Variants in PTN observed in about 807,000 individuals in gnomAD.
The protein encoded by PTN is heparin affin regulatory protein.
PTN carries 18 observed loss-of-function variants against 24.1 expected under a neutral mutation model. The ratio of observed to expected loss-of-function variants is 0.75; its 90% CI spans 0.52 to 1.11. The LOEUF is 1.11. PTN is among the 50% of genes least tolerant of loss of function. The pLI is 0.00. For synonymous variants in PTN, 78 were observed against 68.6 expected (o/e 1.14, Z -0.67); for missense variants, 163 against 198.8 (o/e 0.82, Z 1.08).
At chr7:137,336,903 C>T (rs534116809) in intron 1 of PTN, among the ~76,000 whole-genome samples, 1 of 152,100 alleles carries the variant, frequency 6.6e-6, no homozygotes, top group Non-Finnish European at 1.5e-5. Context: ...GTATGTGCTC[C>T]CATGTTAGAG....
chr7:137,256,236 G>A (rs930857306), intron 1 of PTN, among the ~76,000 whole-genome samples: 3 of 152,016 alleles, frequency 2.0e-5, no homozygotes, highest in Admixed American at 6.6e-5. Flanking sequence ...TGTGCAGAAT[G>A]TGCAGGTTTG....
chr7:137,250,878 C>T (rs777856574), intron 4 of PTN, among the ~76,000 whole-genome samples: 5 of 152,100 alleles, frequency 3.3e-5, no homozygotes, highest in African/African-American at 7.2e-5. Flanking sequence ...AAATTGTCTC[C>T]GTCATAAACA....
chr7:137,314,830 T>C (rs1432149219), intron 1 of PTN, among the ~76,000 whole-genome samples: 1 of 152,066 alleles, frequency 6.6e-6, no homozygotes, highest in Non-Finnish European at 1.5e-5. Flanking sequence ...CCTGACCTCA[T>C]GATCCGCCCG....
chr7:137,230,798 C>G (rs567709067), intron 4 of PTN, among the ~76,000 whole-genome samples: 1 of 151,794 alleles, frequency 6.6e-6, no homozygotes, highest in Non-Finnish European at 1.5e-5. Flanking sequence ...CGTGGTCCAA[C>G]GCCCTTACGT....
At chr7:137,323,598 T>C (rs1810201406) in intron 1 of PTN, among the ~76,000 whole-genome samples, 1 of 152,188 alleles carries the variant, frequency 6.6e-6, no homozygotes, top group South Asian at 2.1e-4. Context: ...GCTTTCTTAA[T>C]GTCATTCCCT....
intron 1 of PTN, among the ~76,000 whole-genome samples, chr7:137,306,499 T>A (rs1809890908): frequency 6.6e-6 from 1 of 151,924 alleles, no homozygotes; most frequent in Non-Finnish European, 1.5e-5. Context: ...CCTGGCTGAG[T>A]TTCCCACCCC....
At chr7:137,277,616 A>G (rs1363730748) in intron 1 of PTN, among the ~76,000 whole-genome samples, 1 of 152,150 alleles carries the variant, frequency 6.6e-6, no homozygotes, top group African/African-American at 2.4e-5. Flanking sequence ...GCCACCCAGG[A>G]TGGAGTGCAG....
At chr7:137,332,045 G>A (rs1431090) in intron 1 of PTN, among the ~76,000 whole-genome samples, 59,027 of 151,970 alleles carry the variant, frequency 0.39, 11,732 homozygotes, top group South Asian at 0.48. Context: ...TACCCATACC[G>A]AGCTAAATAA....
intron 4 of PTN, among the ~76,000 whole-genome samples, chr7:137,228,480 G>A (rs1336584562): frequency 6.6e-6 from 1 of 151,748 alleles, no homozygotes; most frequent in Non-Finnish European, 1.5e-5. Flanking sequence ...AACTACAAGA[G>A]CTCTGCTTAG....
chr7:137,316,065 G>C (rs2128880502), intron 1 of PTN, among the ~76,000 whole-genome samples: 1 of 152,286 alleles, frequency 6.6e-6, no homozygotes, highest in Non-Finnish European at 1.5e-5. Context: ...CTTGCCTGCT[G>C]CATCTACCCT....
intron 1 of PTN, among the ~76,000 whole-genome samples, chr7:137,338,712 T>C (rs1400303007): frequency 1.3e-5 from 2 of 152,214 alleles, no homozygotes; most frequent in South Asian, 2.1e-4. Context: ...TACCATATAG[T>C]ATGTCAGTCA....
intron 3 of PTN, 152 bp downstream of exon 3, chr7:137,253,312 G>T (rs1001094464): frequency 2.7e-6 from 2 of 736,482 alleles, no homozygotes; most frequent in Non-Finnish European, 2.0e-6. Flanking sequence ...ACAAATAATT[G>T]CCTGGCCTGA....
intron 1 of PTN, among the ~76,000 whole-genome samples, chr7:137,310,585 T>C (rs940156190): frequency 1.3e-5 from 2 of 151,992 alleles, no homozygotes; most frequent in Non-Finnish European, 2.9e-5. Context: ...TTTGTATTTT[T>C]AGTAGAGACG....
At chr7:137,322,730 A>T (rs1455997302) in intron 1 of PTN, among the ~76,000 whole-genome samples, 1 of 152,216 alleles carries the variant, frequency 6.6e-6, no homozygotes, top group African/African-American at 2.4e-5. Flanking sequence ...ATTACAATAC[A>T]GAATAAGCAT....
chr7:137,248,027 C>T (rs937144747), intron 4 of PTN, among the ~76,000 whole-genome samples: 5 of 152,078 alleles, frequency 3.3e-5, no homozygotes, highest in Admixed American at 6.5e-5. Context: ...AATACCCACC[C>T]GCAAGGATAT....
At chr7:137,270,648 G>C (rs1332730806) in intron 1 of PTN, among the ~76,000 whole-genome samples, 2 of 152,016 alleles carry the variant, frequency 1.3e-5, no homozygotes, top group African/African-American at 4.8e-5. Context: ...CATTATTCTA[G>C]GCAATAAAAA....
intron 1 of PTN, among the ~76,000 whole-genome samples, chr7:137,294,931 T>G (rs544229556): frequency 6.6e-6 from 1 of 152,240 alleles, no homozygotes; most frequent in African/African-American, 2.4e-5. Flanking sequence ...TTCAGAGAGT[T>G]TGGCAAACAA....
At chr7:137,238,379 G>A (rs1227238132) in intron 4 of PTN, among the ~76,000 whole-genome samples, 1 of 152,096 alleles carries the variant, frequency 6.6e-6, no homozygotes, top group African/African-American at 2.4e-5. Flanking sequence ...GAACATAGCT[G>A]CTTTAAAGAA....
intron 1 of PTN, among the ~76,000 whole-genome samples, chr7:137,315,461 A>G (rs1029403877): frequency 6.6e-6 from 1 of 152,228 alleles, no homozygotes; most frequent in Admixed American, 6.5e-5. Context: ...CTGGGCTGAT[A>G]TTATTGAACA....
Sources: allele counts gnomAD v4.1 joint callset (sites outside exome capture counted in the v4.1 genomes callset), GRCh38; gene constraint gnomAD v4.1.1; transcripts MANE v1.5; gene names NCBI Gene and HGNC (gene_info 2026-07-23, HGNC 2026-07-21).